Variants in SLC35F1 observed in about 807,000 individuals in gnomAD.
SLC35F1 encodes chromosome 6 open reading frame 169.
SLC35F1 carries 14 observed loss-of-function variants against 48.7 expected under a neutral mutation model. That is an observed-to-expected ratio of 0.29 (90% confidence interval 0.19 to 0.45). The LOEUF (loss-of-function observed/expected upper bound fraction) is 0.45. SLC35F1 is among the 20% of genes least tolerant of loss of function. SLC35F1 has a pLI of 1.00. For missense variants in SLC35F1, 404 were observed against 500.0 expected (o/e 0.81, Z 1.83); for synonymous variants, 190 against 202.2 (o/e 0.94, Z 0.51).
At chr6:118,105,387 T>C (rs184630362) in intron 1 of SLC35F1, among the ~76,000 whole-genome samples, 2 of 152,324 alleles carry the variant, frequency 1.3e-5, no homozygotes, top group East Asian at 3.9e-4. Flanking sequence ...TTATATTCCA[T>C]ACCAGAGACC....
intron 1 of SLC35F1, among the ~76,000 whole-genome samples, chr6:118,146,410 C>G (rs1275977700): frequency 6.6e-5 from 10 of 152,122 alleles, no homozygotes; most frequent in Admixed American, 6.6e-4. Context: ...TCTCACTGAC[C>G]AGCCAAGTGA....
At chr6:118,209,907 T>C (rs941200148) in intron 2 of SLC35F1, among the ~76,000 whole-genome samples, 2 of 152,176 alleles carry the variant, frequency 1.3e-5, no homozygotes, top group Non-Finnish European at 2.9e-5. Flanking sequence ...GGGCAATCTA[T>C]ATGACAAAAA....
rs577163819 is a variant in SLC35F1, at chr6:117,993,556, T to C, written c.173+85657T>C. Among the ~76,000 whole-genome samples the C allele has an allele frequency of 4.6e-5, 7 of 152,284 alleles. No individual in the cohort carries two copies. The South Asian group carries it at 1.5e-3, about 32-fold the overall frequency. ...AGCCTTTTTATATCTTTCAGCTTAA[T>C]TCAAGTACAACAAATGAGTGTGGAC... On this transcript the variant is annotated intron_variant, in intron 1 of 7. Coordinates refer to ENST00000360388, the MANE Select transcript of SLC35F1 (RefSeq NM_001029858.4).
chr6:118,254,472 G>T (rs781514267), intron 3 of SLC35F1, among the ~76,000 whole-genome samples: 31 of 151,942 alleles, frequency 2.0e-4, no homozygotes, highest in Non-Finnish European at 4.0e-4. Flanking sequence ...TGTAAAGATG[G>T]GGTCTCACTT....
rs1227848535 is a variant in SLC35F1 at position 118,212,674 on chromosome 6, TGAAAAGAAA to T, written c.350-22821_350-22813del. Among the ~76,000 whole-genome samples, 3 of 121,498 alleles carry T rather than the reference TGAAAAGAAA, an allele frequency of 2.5e-5. No individual in the cohort carries two copies. In the East Asian group the frequency reaches 6.8e-4, roughly 28 times the overall value. The allele number at this position is 121,498 out of a possible 152,430, so 79.7% of individuals were successfully genotyped here. ...CATTGCACTCCAGCCTGGACAAGAGTGAAAAGAAAGAAAAGAAAGAAAGAAGGAAAGAAG... is the reference window on the plus strand; with the variant it reads ...CATTGCACTCCAGCCTGGACAAGAGTGAAAAGAAAGAAAGAAGGAAAGAAG... On this transcript the variant is annotated intron_variant, in intron 2 of 7. Transcript: ENST00000360388.
At chr6:118,041,532 G>GGGGA (rs1772220583) in intron 1 of SLC35F1, among the ~76,000 whole-genome samples, 1 of 151,722 alleles carries the variant, frequency 6.6e-6, no homozygotes. Flanking sequence ...TGGGATGGGG[G>GGGGA]TGGGGAGACA....
At chr6:118,102,308 C>T (rs1407653724) in intron 1 of SLC35F1, among the ~76,000 whole-genome samples, 2 of 151,948 alleles carry the variant, frequency 1.3e-5, no homozygotes, top group African/African-American at 2.4e-5. Context: ...CTCAGCCTCC[C>T]GAGTAGCTGG....
At chr6:118,237,628 G>A (rs1775382514) in intron 3 of SLC35F1, among the ~76,000 whole-genome samples, 1 of 152,086 alleles carries the variant, frequency 6.6e-6, no homozygotes, top group Admixed American at 6.5e-5. Context: ...GGGCTCAAGA[G>A]ATCCGCCCAC....
chr6:118,008,341 G>T (rs1253814173), intron 1 of SLC35F1, among the ~76,000 whole-genome samples: 1 of 152,096 alleles, frequency 6.6e-6, no homozygotes, highest in Non-Finnish European at 1.5e-5. Context: ...TGCAAGGGAA[G>T]AAGATTATGT....
At chr6:117,969,116 C>T (rs1472192194) in intron 1 of SLC35F1, among the ~76,000 whole-genome samples, 1 of 152,112 alleles carries the variant, frequency 6.6e-6, no homozygotes, top group African/African-American at 2.4e-5. Flanking sequence ...TATTTCAGCT[C>T]ACAGAAACAA....
intron 3 of SLC35F1, among the ~76,000 whole-genome samples, chr6:118,245,460 G>A (rs1041198376): frequency 2.0e-5 from 3 of 152,254 alleles, no homozygotes; most frequent in African/African-American, 7.2e-5. Context: ...CTAGTAGTTG[G>A]ATGTGCACCT....
intron 3 of SLC35F1, among the ~76,000 whole-genome samples, chr6:118,243,302 G>A (rs566144455): frequency 3.3e-5 from 5 of 152,210 alleles, no homozygotes; most frequent in East Asian, 1.9e-4. Context: ...TTTGGCATAC[G>A]TATTACTTTA....
At chr6:118,288,685 A>G (rs1442819921) in intron 7 of SLC35F1, among the ~76,000 whole-genome samples, 5 of 152,122 alleles carry the variant, frequency 3.3e-5, no homozygotes, top group African/African-American at 1.2e-4. Context: ...TTCCAAAAGG[A>G]AGGAGGGTAC....
intron 1 of SLC35F1, among the ~76,000 whole-genome samples, chr6:117,918,005 C>A (rs1775848623): frequency 1.3e-5 from 2 of 152,064 alleles, no homozygotes; most frequent in Admixed American, 1.3e-4. Flanking sequence ...AATAAGCAGT[C>A]CACTGTGCTG....
intron 1 of SLC35F1, among the ~76,000 whole-genome samples, chr6:117,913,546 C>A (rs1031426330): frequency 6.6e-6 from 1 of 152,210 alleles, no homozygotes; most frequent in African/African-American, 2.4e-5. Context: ...ATATGCAATG[C>A]GTATTAACCT....
chr6:118,291,242 TACACACACACACACACACACAC>T (rs10603708), intron 7 of SLC35F1, among the ~76,000 whole-genome samples: 12 of 148,598 alleles, frequency 8.1e-5, no homozygotes, highest in African/African-American at 2.0e-4. Context: ...GTATCATGTA[TACACACACACACACACACACAC>T]ACACACACAC....
chr6:118,302,736 A>G (rs1776268681), intron 7 of SLC35F1, among the ~76,000 whole-genome samples: 1 of 152,194 alleles, frequency 6.6e-6, no homozygotes, highest in South Asian at 2.1e-4. Context: ...AATTTTAAAA[A>G]GGAAAAAGAA....
intron 1 of SLC35F1, among the ~76,000 whole-genome samples, chr6:118,065,062 T>A (rs1018146239): frequency 1.3e-5 from 2 of 152,164 alleles, no homozygotes; most frequent in South Asian, 2.1e-4. Context: ...AATCCTAAAT[T>A]ATTGCATGAT....
intron 1 of SLC35F1, among the ~76,000 whole-genome samples, chr6:118,047,864 A>T (rs1236221817): frequency 1.3e-5 from 2 of 152,074 alleles, no homozygotes; most frequent in Non-Finnish European, 2.9e-5. Flanking sequence ...CTAATTGAAT[A>T]CCCTTTATTT....
Sources: gnomAD v4.1 joint callset for allele counts (sites outside exome capture counted in the v4.1 genomes callset) on GRCh38, gnomAD v4.1.1 for gene constraint, MANE v1.5 for transcripts, NCBI Gene and HGNC (gene_info 2026-07-23, HGNC 2026-07-21) for gene names.